RFX3: variants seen among roughly 807,000 people sequenced by gnomAD.
RFX3 encodes regulatory factor X3, also known as transcription factor RFX3.
A neutral mutation model predicts 98.6 loss-of-function variants in RFX3; 14 were observed. The observed-to-expected ratio is 0.14, with a 90% CI of 0.09 to 0.22. RFX3 has a LOEUF of 0.22. Ranked by LOEUF, RFX3 falls within the 10% of genes least tolerant of loss-of-function variation. The pLI, the probability that RFX3 is intolerant of heterozygous loss-of-function variation, is 1.00. For synonymous variants in RFX3, 383 were observed against 328.4 expected (o/e 1.17, Z -1.80); for missense variants, 639 against 926.9 (o/e 0.69, Z 4.03).
chr9:3,410,189 G>GTGTGTGTGTGTGTC (rs1842341332), intron 1 of RFX3, among the ~76,000 whole-genome samples: 1 of 151,140 alleles, frequency 6.6e-6, no homozygotes, highest in Non-Finnish European at 1.5e-5. Flanking sequence ...GTGTGTGTGT[G>GTGTGTGTGTGTGTC]TGTGTGTGTG....
At chr9:3,306,710 C>A (rs991031282) in intron 4 of RFX3, among the ~76,000 whole-genome samples, 1 of 151,390 alleles carries the variant, frequency 6.6e-6, no homozygotes, top group Non-Finnish European at 1.5e-5. Context: ...TGTAACAAAC[C>A]TGCAGGTTGT....
intron 12 of RFX3, among the ~76,000 whole-genome samples, chr9:3,265,703 C>T (rs1415954323): frequency 6.6e-6 from 1 of 152,204 alleles, no homozygotes; most frequent in Non-Finnish European, 1.5e-5. Flanking sequence ...GTTAATTGTT[C>T]ACTTTATTCA....
chr9:3,393,366 A>G (rs555041230), intron 2 of RFX3, among the ~76,000 whole-genome samples: 1 of 152,242 alleles, frequency 6.6e-6, no homozygotes, highest in South Asian at 2.1e-4. Flanking sequence ...ATATTTGATA[A>G]TATGTAAATT....
rs1823128939 is a variant in RFX3, at chr9:3,263,080, G to C, written c.1460C>G (p.Ala487Gly). ...AGTCTGGGCAAAGGCACTTACAGCG[G>C]CAACCTGTAACGCAATCCAATTAAG... ...IPQRMIQTKV[A>G]AVSAFAQTLR... The change falls in exon 13 of 17, where the codon GCC becomes GGC. Residue 487 changes from alanine to glycine, a missense_variant. Physicochemically the swap from Ala to Gly is moderately conservative, Grantham distance 60. This residue lies in a region of RFX3 where 138 missense variants were observed against 308.9 expected (regional missense o/e 0.45). Coordinates refer to ENST00000617270, the MANE Select transcript of RFX3 (RefSeq NM_001282116.2). 1 of 1,613,308 alleles carries C rather than the reference G, an allele frequency of 6.2e-7. No individual in the cohort carries two copies. The highest frequency in any genetic ancestry group is 1.1e-5 in the South Asian group (1 of 91,042).
intron 15 of RFX3, among the ~76,000 whole-genome samples, chr9:3,235,373 T>A (rs1396032424): frequency 6.6e-6 from 1 of 152,148 alleles, no homozygotes; most frequent in African/African-American, 2.4e-5. Flanking sequence ...AAAAATAATA[T>A]ACTGGAGGAA....
intron 4 of RFX3, among the ~76,000 whole-genome samples, chr9:3,326,702 A>G (rs1385138970): frequency 6.6e-6 from 1 of 152,132 alleles, no homozygotes; most frequent in African/African-American, 2.4e-5. Flanking sequence ...TCCATGGTGT[A>G]TATGTACCAT....
At chr9:3,354,404 AAAG>A (rs1835502303) in intron 2 of RFX3, among the ~76,000 whole-genome samples, 1 of 151,978 alleles carries the variant, frequency 6.6e-6, no homozygotes, top group Non-Finnish European at 1.5e-5. Flanking sequence ...AAAAATGAAT[AAAG>A]AACATTAAAC....
intron 1 of RFX3, chr9:3,469,046 A>G (rs1023318323): frequency 1.1e-5 from 4 of 355,100 alleles, no homozygotes; most frequent in Non-Finnish European, 2.3e-5. Context: ...AATGCAAAGC[A>G]TCTCCAGATA....
chr9:3,367,961 G>A (rs1443439349), intron 2 of RFX3, among the ~76,000 whole-genome samples: 2 of 152,132 alleles, frequency 1.3e-5, no homozygotes, highest in East Asian at 3.9e-4. Flanking sequence ...AAGAGGTTAG[G>A]ATATATAAGA....
chr9:3,395,507 T>C lies in RFX3; in HGVS notation c.82A>G (p.Thr28Ala). 6.2e-7 allele frequency: 1 copy of C among 1,614,162 alleles called. No homozygotes were observed. Among genetic ancestry groups the C allele is most frequent in the Non-Finnish European group, 8.5e-7 (1 of 1,179,996 alleles). Reference sequence around the variant, plus strand: ...ACTGGTACTTGCTGTACCACCTGCGTAGGCACTGCTGCTTGACTAGCCACA... The same window carrying C: ...ACTGGTACTTGCTGTACCACCTGCGCAGGCACTGCTGCTTGACTAGCCACA... ...TSVASQAAVP[T>A]QVVQQVPVQQ... Residue 28 changes from threonine to alanine, a missense_variant, in exon 2 of 17, where the codon ACG (threonine) becomes GCG (alanine). Coordinates refer to ENST00000617270, the MANE Select transcript of RFX3 (RefSeq NM_001282116.2).
chr9:3,478,382 G>A (rs1291489267), intron 1 of RFX3, among the ~76,000 whole-genome samples: 1 of 146,586 alleles, frequency 6.8e-6, no homozygotes, highest in African/African-American at 2.5e-5. Context: ...TCCCCGTAGT[G>A]TGTGGCCACC....
intron 13 of RFX3, among the ~76,000 whole-genome samples, chr9:3,258,925 T>C (rs914997694): frequency 2.0e-5 from 3 of 151,806 alleles, no homozygotes; most frequent in African/African-American, 7.2e-5. Flanking sequence ...ACTTAAATGT[T>C]TAAAATAAAA....
chr9:3,298,485 A>G (rs148335984), intron 5 of RFX3, among the ~76,000 whole-genome samples: 1 of 151,874 alleles, frequency 6.6e-6, no homozygotes. Flanking sequence ...TTATTCATTC[A>G]GCAAATATTT....
intron 1 of RFX3, among the ~76,000 whole-genome samples, chr9:3,493,618 A>C (rs773028413): frequency 1.3e-5 from 2 of 148,904 alleles, no homozygotes; most frequent in East Asian, 4.0e-4. Context: ...CAGGAGGCAG[A>C]GCTTGCAGTG....
chr9:3,400,649 C>G (rs1318450475), intron 1 of RFX3, among the ~76,000 whole-genome samples: 1 of 152,230 alleles, frequency 6.6e-6, no homozygotes, highest in Admixed American at 6.5e-5. Flanking sequence ...GAGAGGCTCT[C>G]TTTGCCAAGC....
At chr9:3,405,771 A>G in intron 1 of RFX3, among the ~76,000 whole-genome samples, 1 of 152,156 alleles carries the variant, frequency 6.6e-6, no homozygotes, top group East Asian at 1.9e-4. Flanking sequence ...AGATCCCTAG[A>G]GTTCAGGCCA....
chr9:3,471,283 T>C (rs1270936396), intron 1 of RFX3, among the ~76,000 whole-genome samples: 1 of 152,200 alleles, frequency 6.6e-6, no homozygotes, highest in Admixed American at 6.5e-5. Flanking sequence ...AGAACAACCC[T>C]GCAATAAAAT....
chr9:3,393,639 G>C (rs894046062), intron 2 of RFX3, among the ~76,000 whole-genome samples: 2 of 151,652 alleles, frequency 1.3e-5, no homozygotes, highest in Non-Finnish European at 2.9e-5. Context: ...TCTCAATAAG[G>C]TTCAGAGTCT....
At chr9:3,451,218 A>G (rs772934858) in intron 1 of RFX3, among the ~76,000 whole-genome samples, 7 of 152,206 alleles carry the variant, frequency 4.6e-5, no homozygotes, top group Non-Finnish European at 1.0e-4. Flanking sequence ...TTATAACCCA[A>G]AAATCATATA....
Sources: gnomAD v4.1 joint callset for allele counts (sites outside exome capture counted in the v4.1 genomes callset) on GRCh38, gnomAD v4.1.1 for gene constraint, gnomAD v4.1.1 regional missense constraint, MANE v1.5 for transcripts, NCBI Gene and HGNC (gene_info 2026-07-23, HGNC 2026-07-21) for gene names.